GRB10: variants seen among roughly 807,000 people sequenced by gnomAD.
GRB10 encodes growth factor receptor bound protein 10.
A neutral mutation model predicts 80.9 loss-of-function variants in GRB10; 20 were observed. That is an observed-to-expected ratio of 0.25 (90% CI 0.17 to 0.36). The LOEUF is 0.36. Among genes scored for constraint, GRB10 ranks in the 10% least tolerant of loss-of-function variants. The pLI is 1.00. For synonymous variants in GRB10, 291 were observed against 291.5 expected (o/e 1.00, Z 0.02); for missense variants, 548 against 747.7 (o/e 0.73, Z 3.12).
At chr7:50,685,247 C>T (rs1294495115) in intron 5 of GRB10, among the ~76,000 whole-genome samples, 1 of 152,160 alleles carries the variant, frequency 6.6e-6, no homozygotes. Flanking sequence ...GAGACAAATC[C>T]CTGCCACCTC....
chr7:50,622,512 G>A (rs559595666), intron 8 of GRB10, among the ~76,000 whole-genome samples: 8 of 152,152 alleles, frequency 5.3e-5, no homozygotes, highest in African/African-American at 1.7e-4. Flanking sequence ...TCAGGACAAC[G>A]GAATTCCTCA....
At chr7:50,765,337 A>G (rs935418661) in intron 2 of GRB10, among the ~76,000 whole-genome samples, 2 of 152,196 alleles carry the variant, frequency 1.3e-5, no homozygotes, top group East Asian at 3.8e-4. Flanking sequence ...AAAAGAAAGG[A>G]TCTGTATCAA....
chr7:50,627,594 C>T (rs2053174143), intron 7 of GRB10, among the ~76,000 whole-genome samples: 1 of 152,200 alleles, frequency 6.6e-6, no homozygotes. Flanking sequence ...TACAAAGTTA[C>T]AAGCAAGCTT....
intron 4 of GRB10, among the ~76,000 whole-genome samples, chr7:50,724,764 G>A (rs770097584): frequency 1.5e-4 from 23 of 152,170 alleles, no homozygotes; most frequent in Admixed American, 2.6e-4. Context: ...GCAGAGAGAC[G>A]GAAGTGATTT....
chr7:50,777,237 C>G (rs2077754998), intron 2 of GRB10, among the ~76,000 whole-genome samples: 1 of 152,144 alleles, frequency 6.6e-6, no homozygotes, highest in Admixed American at 6.5e-5. Context: ...GCTGTATCCT[C>G]ATATGGTGGA....
At chr7:50,619,826 A>G (rs1314003335) in intron 8 of GRB10, among the ~76,000 whole-genome samples, 1 of 152,228 alleles carries the variant, frequency 6.6e-6, no homozygotes, top group African/African-American at 2.4e-5. Flanking sequence ...TTCACACTGA[A>G]GCCCGCACGC....
chr7:50,672,101 G>C (rs557795692), intron 6 of GRB10, among the ~76,000 whole-genome samples: 1 of 152,148 alleles, frequency 6.6e-6, no homozygotes, highest in Non-Finnish European at 1.5e-5. Flanking sequence ...CTCACCCATC[G>C]GCTTTCCTAT....
At chr7:50,666,995 G>A (rs1215261639) in intron 7 of GRB10, among the ~76,000 whole-genome samples, 2 of 147,058 alleles carry the variant, frequency 1.4e-5, no homozygotes, top group African/African-American at 5.1e-5. Flanking sequence ...AGCCGAGATT[G>A]CGCCACTGCA....
At chr7:50,716,299 G>C (rs952424794) in intron 4 of GRB10, among the ~76,000 whole-genome samples, 6 of 152,152 alleles carry the variant, frequency 3.9e-5, no homozygotes, top group African/African-American at 1.4e-4. Flanking sequence ...AGCTAACAAA[G>C]CTTATAAGCC....
At chr7:50,690,250 C>T (rs1008574959) in intron 5 of GRB10, among the ~76,000 whole-genome samples, 4 of 151,692 alleles carry the variant, frequency 2.6e-5, no homozygotes, top group Admixed American at 6.6e-5. Context: ...GAGTCAAGAT[C>T]GTGCCACTGC....
intron 13 of GRB10, among the ~76,000 whole-genome samples, chr7:50,610,154 C>A (rs77556832): frequency 6.6e-6 from 1 of 152,124 alleles, no homozygotes. Context: ...AGCACACACA[C>A]GGGATGCCTT....
intron 3 of GRB10, among the ~76,000 whole-genome samples, chr7:50,740,270 G>A (rs914722056): frequency 1.3e-5 from 2 of 152,138 alleles, no homozygotes; most frequent in Non-Finnish European, 2.9e-5. Flanking sequence ...TCGCCCTGGT[G>A]TATCTTCTCC....
intron 1 of GRB10, among the ~76,000 whole-genome samples, chr7:50,790,541 C>A (rs376578733): frequency 6.6e-6 from 1 of 152,248 alleles, no homozygotes; most frequent in South Asian, 2.1e-4. Flanking sequence ...GCGGGGATTA[C>A]GGAGCAAACG....
rs746707140 is a variant in GRB10 at position 50,616,336 on chromosome 7, G to A, written c.858C>T (p.Asn286=). ...SQTQLLQNFL[N]SSSCPEIQGF... ...CTTGAATTTCAGGACAACTACTGGA[G>A]TTCAGAAAATTCTGTTGAAGAACAA... The change falls in exon 11 of 19, where the codon AAC becomes AAT. Residue 286 remains asparagine (N), a synonymous_variant. Coordinates refer to ENST00000401949, the MANE Select transcript of GRB10 (RefSeq NM_001350814.2). 16 of 1,613,924 alleles carry A rather than the reference G, an allele frequency of 9.9e-6. No homozygotes were observed. The Admixed American group carries it at 1.0e-4, about 10-fold the overall frequency.
chr7:50,730,976 G>A (rs28758301), intron 4 of GRB10, among the ~76,000 whole-genome samples: 13,443 of 152,212 alleles, frequency 0.088, 1,964 homozygotes, highest in African/African-American at 0.3. Flanking sequence ...GGGTGCAGTC[G>A]GGCCCGGACA....
chr7:50,614,339 G>C (rs2050140975), intron 12 of GRB10, among the ~76,000 whole-genome samples: 1 of 152,180 alleles, frequency 6.6e-6, no homozygotes, highest in Non-Finnish European at 1.5e-5. Context: ...GGGCAGCATT[G>C]TGTCTATTCC....
chr7:50,674,778 G>C (rs924906519), intron 5 of GRB10, 120 bp from the exon 6 acceptor site: 3 of 813,004 alleles, frequency 3.7e-6, no homozygotes, highest in Non-Finnish European at 2.1e-6. Flanking sequence ...TATTATGGAA[G>C]GGGTAGAGGG....
chr7:50,694,146 A>G (rs2063161393), intron 5 of GRB10, among the ~76,000 whole-genome samples: 1 of 152,218 alleles, frequency 6.6e-6, no homozygotes, highest in Non-Finnish European at 1.5e-5. Context: ...CAACATGGCG[A>G]AACCCCGTTT....
At chr7:50,743,585 G>A (rs1323075019) in intron 3 of GRB10, among the ~76,000 whole-genome samples, 1 of 152,188 alleles carries the variant, frequency 6.6e-6, no homozygotes, top group African/African-American at 2.4e-5. Flanking sequence ...AAGTAACTTG[G>A]CCAGCAGTTA....
Sources: allele counts gnomAD v4.1 joint callset (sites outside exome capture counted in the v4.1 genomes callset), GRCh38; gene constraint gnomAD v4.1.1; transcripts MANE v1.5; gene names NCBI Gene and HGNC (gene_info 2026-07-23, HGNC 2026-07-21).